PTDSS1: variants seen among roughly 807,000 people sequenced by gnomAD.
PTDSS1 encodes the protein PSS-1.
Under a neutral mutation model 70.5 loss-of-function variants are expected in PTDSS1, and 45 were observed. The ratio of observed to expected loss-of-function variants is 0.64; its 90% CI spans 0.50 to 0.82. The LOEUF (loss-of-function observed/expected upper bound fraction) is 0.82. PTDSS1 is among the 40% of genes least tolerant of loss of function. The pLI, the probability that PTDSS1 is intolerant of heterozygous loss-of-function variation, is 0.00. For missense variants in PTDSS1, 417 were observed against 586.1 expected (o/e 0.71, Z 2.98); for synonymous variants, 188 against 203.8 (o/e 0.92, Z 0.66).
intron 8 of PTDSS1, among the ~76,000 whole-genome samples, chr8:96,307,099 A>T (rs1349610184): frequency 6.6e-6 from 1 of 152,138 alleles, no homozygotes; most frequent in Non-Finnish European, 1.5e-5. Flanking sequence ...CCTAGAGGTG[A>T]GGCTTATTCA....
At chr8:96,288,514 G>A (rs111463453) in intron 4 of PTDSS1, among the ~76,000 whole-genome samples, 5,766 of 151,800 alleles carry the variant, frequency 0.038, 363 homozygotes, top group African/African-American at 0.13. Context: ...TAGTAGAGAC[G>A]GTGGTCTCAC....
At chr8:96,295,836 G>T (rs1055542869) in intron 5 of PTDSS1, among the ~76,000 whole-genome samples, 2 of 152,090 alleles carry the variant, frequency 1.3e-5, no homozygotes, top group Non-Finnish European at 2.9e-5. Context: ...AACAGAATTC[G>T]TCCACATGCG....
At chr8:96,331,810 G>C (rs554051545) in intron 12 of PTDSS1, among the ~76,000 whole-genome samples, 1 of 152,042 alleles carries the variant, frequency 6.6e-6, no homozygotes, top group South Asian at 2.1e-4. Flanking sequence ...CCAGCGCTTT[G>C]GGATGCCATG....
chr8:96,272,851 G>A (rs888368025), intron 1 of PTDSS1, among the ~76,000 whole-genome samples: 1 of 152,148 alleles, frequency 6.6e-6, no homozygotes, highest in Non-Finnish European at 1.5e-5. Flanking sequence ...TGCCCTCAGT[G>A]TGCAGCCATT....
intron 1 of PTDSS1, 64 bp from the exon 2 acceptor site, chr8:96,273,235 C>A (rs1485807113): frequency 8.2e-7 from 1 of 1,216,924 alleles, no homozygotes; most frequent in Non-Finnish European, 1.1e-6. Flanking sequence ...TGGAAATCTT[C>A]CTTCCTCTAG....
At chr8:96,298,988 C>T (rs1811013585) in intron 5 of PTDSS1, among the ~76,000 whole-genome samples, 1 of 150,616 alleles carries the variant, frequency 6.6e-6, no homozygotes, top group African/African-American at 2.4e-5. Flanking sequence ...TGCAGTGAGC[C>T]GAGATCGCAC....
intron 3 of PTDSS1, 109 bp from the exon 4 acceptor site, chr8:96,286,913 C>T: frequency 7.3e-7 from 1 of 1,368,434 alleles, no homozygotes; most frequent in Non-Finnish European, 1.0e-6. Flanking sequence ...ACAGGCTGTG[C>T]TGCAATCTTA....
chr8:96,288,564 G>A, intron 4 of PTDSS1, among the ~76,000 whole-genome samples: 1 of 149,384 alleles, frequency 6.7e-6, no homozygotes, highest in East Asian at 2.0e-4. Context: ...GATCTCAAAT[G>A]ATCTGCCTGC....
intron 2 of PTDSS1, among the ~76,000 whole-genome samples, chr8:96,279,976 G>A (rs910455107): frequency 3.9e-5 from 6 of 152,074 alleles, no homozygotes; most frequent in Non-Finnish European, 8.8e-5. Context: ...GTCTGCCAGG[G>A]AGCCTCTGGC....
At chr8:96,272,901 G>A (rs1262971706) in intron 1 of PTDSS1, among the ~76,000 whole-genome samples, 4 of 152,148 alleles carry the variant, frequency 2.6e-5, no homozygotes, top group African/African-American at 9.7e-5. Flanking sequence ...TGGATGTTGA[G>A]CCTCCCTACC....
intron 8 of PTDSS1, among the ~76,000 whole-genome samples, chr8:96,306,772 C>G (rs1385757732): frequency 1.3e-5 from 2 of 152,138 alleles, no homozygotes; most frequent in Non-Finnish European, 2.9e-5. Flanking sequence ...AACACCACAC[C>G]AATAGTACTA....
chr8:96,274,382 G>A (rs898237630), intron 2 of PTDSS1, among the ~76,000 whole-genome samples: 1 of 152,126 alleles, frequency 6.6e-6, no homozygotes, highest in Admixed American at 6.5e-5. Flanking sequence ...TAAGATGGTG[G>A]CAGTGGAATT....
intron 7 of PTDSS1, among the ~76,000 whole-genome samples, 199 bp from the exon 8 acceptor site, chr8:96,306,245 C>T (rs925020455): frequency 6.6e-6 from 1 of 152,228 alleles, no homozygotes; most frequent in Non-Finnish European, 1.5e-5. Flanking sequence ...CCACCTCTCC[C>T]TGGGCCTCCA....
At chr8:96,310,442 A>C (rs182967656) in intron 9 of PTDSS1, among the ~76,000 whole-genome samples, 15 of 150,906 alleles carry the variant, frequency 9.9e-5, no homozygotes, top group African/African-American at 2.9e-4. Context: ...GATTACAGGC[A>C]TGAGCCACCG....
intron 9 of PTDSS1, among the ~76,000 whole-genome samples, chr8:96,318,020 G>A (rs1811320718): frequency 1.3e-5 from 2 of 151,842 alleles, no homozygotes; most frequent in Non-Finnish European, 1.5e-5. Context: ...AGCTTTAGTC[G>A]GCCAATCAGC....
At chr8:96,298,811 G>A (rs936351408) in intron 5 of PTDSS1, among the ~76,000 whole-genome samples, 1 of 152,110 alleles carries the variant, frequency 6.6e-6, no homozygotes, top group Non-Finnish European at 1.5e-5. Context: ...GGAGGCTGAG[G>A]CAGGTGGATC....
At chr8:96,333,427 G>C in intron 12 of PTDSS1, 30 bp from the exon 13 acceptor site, 1 of 1,577,588 alleles carries the variant, frequency 6.3e-7, no homozygotes, top group Non-Finnish European at 8.7e-7. Flanking sequence ...AGAGCCCAGG[G>C]TGACGGTGTG....
chr8:96,280,615 C>T (rs375702357), intron 2 of PTDSS1, among the ~76,000 whole-genome samples: 13 of 152,168 alleles, frequency 8.5e-5, no homozygotes, highest in South Asian at 6.2e-4. Context: ...GTGGAAGGAA[C>T]GGTAAATAAA....
At chr8:96,322,717 TC>T (rs897409727) in intron 10 of PTDSS1, among the ~76,000 whole-genome samples, 1 of 152,184 alleles carries the variant, frequency 6.6e-6, no homozygotes, top group Non-Finnish European at 1.5e-5. Context: ...ATGCCAGTAG[TC>T]CCAAAAGTCT....
Sources: allele counts gnomAD v4.1 joint callset (sites outside exome capture counted in the v4.1 genomes callset), GRCh38; gene constraint gnomAD v4.1.1; transcripts MANE v1.5; gene names NCBI Gene and HGNC (gene_info 2026-07-23, HGNC 2026-07-21).